The following CELF2 variants were observed in gnomAD, a reference collection of about 807,000 sequenced individuals.
CELF2 encodes the protein CUGBP Elav-like family member 2.
In CELF2, 8 loss-of-function variants were observed where a neutral mutation model predicts 62.6. The observed-to-expected ratio is 0.13, with a 90% CI of 0.07 to 0.23. CELF2 has a LOEUF of 0.23. CELF2 is among the 10% of genes least tolerant of loss of function. The pLI, the probability that CELF2 is intolerant of heterozygous loss-of-function variation, is 1.00. For missense variants in CELF2, 333 were observed against 671.0 expected (o/e 0.50, Z 5.56); for synonymous variants, 258 against 250.0 (o/e 1.03, Z -0.30).
At chr10:10,971,900 C>T (rs962254253) in intron 2 of CELF2, among the ~76,000 whole-genome samples, 1 of 152,076 alleles carries the variant, frequency 6.6e-6, no homozygotes, top group Non-Finnish European at 1.5e-5. Context: ...GCATGCTTTT[C>T]ACATCTTCTT....
chr10:10,659,286 T>C, the CELF2 span, among the ~76,000 whole-genome samples: 8 of 152,212 alleles, frequency 5.3e-5, no homozygotes, highest in Admixed American at 5.2e-4. Flanking sequence ...GAGAATCTTC[T>C]TCCAGTAAGA....
chr10:10,911,147 A>G (rs1324697591), intron 1 of CELF2, among the ~76,000 whole-genome samples: 1 of 152,152 alleles, frequency 6.6e-6, no homozygotes, highest in African/African-American at 2.4e-5. Flanking sequence ...AAGCAAACAT[A>G]AGCCCTTCCC....
At chr10:10,963,873 C>T (rs1236270346) in intron 2 of CELF2, among the ~76,000 whole-genome samples, 1 of 152,070 alleles carries the variant, frequency 6.6e-6, no homozygotes, top group African/African-American at 2.4e-5. Flanking sequence ...TTCTAGTATA[C>T]GCATCTATGT....
At position 11,223,631 on chromosome 10, in the gene CELF2, G is replaced by A. The variant is rs2065560848; in HGVS notation, c.354+6124G>A. On this transcript the variant is annotated intron_variant, in intron 3 of 12. Transcript: ENST00000633077. The surrounding 1 kb of genome is among the most constrained non-coding windows in gnomAD (Gnocchi z 5.1). ...GGACTGTGACAGAGAGTAGCAGGGGGAGCTCCGGAGGAGTCCTTGAGGGTG... is the reference window on the plus strand; with the variant it reads ...GGACTGTGACAGAGAGTAGCAGGGGAAGCTCCGGAGGAGTCCTTGAGGGTG... Among the ~76,000 whole-genome samples, 1 of 152,338 alleles carries A rather than the reference G, an allele frequency of 6.6e-6. No homozygotes were observed. Among genetic ancestry groups the A allele is most frequent in the Admixed American group, 6.5e-5 (1 of 15,314 alleles).
At chr10:10,486,824 C>T in the CELF2 span, among the ~76,000 whole-genome samples, 15 of 152,068 alleles carry the variant, frequency 9.9e-5, no homozygotes, top group Non-Finnish European at 1.9e-4. Flanking sequence ...AAGCCATTGA[C>T]ATGTGTTAAA....
At chr10:10,631,145 C>A in the CELF2 span, among the ~76,000 whole-genome samples, 1 of 152,196 alleles carries the variant, frequency 6.6e-6, no homozygotes, top group Non-Finnish European at 1.5e-5. Flanking sequence ...GTAATCACTT[C>A]CAGACTCAGC....
chr10:10,825,658 A>C lies in CELF2; in HGVS notation c.53+26841A>C, dbSNP rs534983804. On this transcript the variant is annotated intron_variant, in intron 1 of 13. Coordinates refer to the CELF2 transcript ENST00000636488. ...GGGTCAGTCTTTACTGGATTTGGTC[A>C]GCAGCCATCTAGGTATCCGGAGTGT... Among the ~76,000 whole-genome samples, 3 of 152,308 alleles carry C rather than the reference A, an allele frequency of 2.0e-5. No individual in the cohort carries two copies. The South Asian group carries it at 6.2e-4, about 32-fold the overall frequency.
chr10:10,966,513 C>G lies in CELF2; in HGVS notation c.89+46514C>G, dbSNP rs1407698456. 5 of 152,324 alleles carry G rather than the reference C, an allele frequency of 3.3e-5. No individual in the cohort carries two copies. The East Asian group carries it at 9.6e-4, about 29-fold the overall frequency. 9.4% of individuals were successfully genotyped at this position (152,324 alleles called of 1,614,324 possible). On this transcript the variant is annotated intron_variant, in intron 2 of 13. Coordinates refer to the CELF2 transcript ENST00000636488. The stretch of plus-strand genomic sequence containing the variant: ...TTTGCTCCCTCTCCCACCTTCTCCT[C>G]TGGGCTTCCTACCATACTCTAACCC...
intron 2 of CELF2, among the ~76,000 whole-genome samples, chr10:11,172,089 C>T (rs766019352): frequency 7.2e-5 from 11 of 152,196 alleles, no homozygotes; most frequent in Non-Finnish European, 1.0e-4. Context: ...TTAACGCATG[C>T]AAGTAGGGAA....
chr10:10,809,809 T>C (rs2131689535), intron 1 of CELF2, among the ~76,000 whole-genome samples: 1 of 152,340 alleles, frequency 6.6e-6, no homozygotes, highest in African/African-American at 2.4e-5. Flanking sequence ...AATTATCATT[T>C]TTATAATCTT....
the CELF2 span, among the ~76,000 whole-genome samples, chr10:10,535,239 T>C: frequency 2.3e-3 from 354 of 152,230 alleles, 1 homozygote; most frequent in African/African-American, 8.3e-3. Flanking sequence ...CCACACAGCA[T>C]GATTGCACTT....
chr10:11,132,942 G>C (rs1196353808), intron 1 of CELF2, among the ~76,000 whole-genome samples: 1 of 152,178 alleles, frequency 6.6e-6, no homozygotes, highest in South Asian at 2.1e-4. Flanking sequence ...GATGGTGGTG[G>C]TGATCTGTAT....
chr10:11,321,515 TG>T lies in CELF2; in HGVS notation c.1294+130del. On this transcript the variant is annotated intron_variant, in intron 11 of 12. Transcript: ENST00000633077. The surrounding 1 kb of genome is among the most constrained non-coding windows in gnomAD (Gnocchi z 6.2). The stretch of plus-strand genomic sequence containing the variant: ...CAGAAAGCAGTTGTTTTGTTATTCA[TG>T]TTTAAAAAAAAAAAAAACTGAAAGC... 1 of 707,058 alleles carries T rather than the reference TG, an allele frequency of 1.4e-6. No homozygotes were observed. Among genetic ancestry groups the T allele is most frequent in the Non-Finnish European group, 2.2e-6 (1 of 464,086 alleles). The allele number at this position is 707,058 out of a possible 1,614,324, so 43.8% of individuals were successfully genotyped here. A position where few individuals can be genotyped will look rare whatever the true frequency, so the allele number is the denominator to read the frequency against.
chr10:10,612,918 T>A, the CELF2 span, among the ~76,000 whole-genome samples: 3 of 152,094 alleles, frequency 2.0e-5, no homozygotes, highest in African/African-American at 4.8e-5. Context: ...AAGAATAGAG[T>A]CTTAGCTGGA....
chr10:10,863,729 A>G (rs2060185239), intron 1 of CELF2, among the ~76,000 whole-genome samples: 1 of 152,150 alleles, frequency 6.6e-6, no homozygotes, highest in Admixed American at 6.5e-5. Context: ...AGTGACTTAG[A>G]CCTTTCTTTA....
the CELF2 span, among the ~76,000 whole-genome samples, chr10:10,667,157 G>T: frequency 2.6e-5 from 4 of 152,174 alleles, no homozygotes; most frequent in East Asian, 7.7e-4. Context: ...CATGCTCTTT[G>T]AATAAATGAA....
chr10:11,170,512 C>T (rs1041292359), intron 2 of CELF2, among the ~76,000 whole-genome samples: 2 of 151,942 alleles, frequency 1.3e-5, no homozygotes, highest in Non-Finnish European at 2.9e-5. Context: ...ACTGTTTATC[C>T]CTGAGTGAGG....
At chr10:11,134,092 A>G (rs2060027132) in intron 1 of CELF2, among the ~76,000 whole-genome samples, 2 of 152,230 alleles carry the variant, frequency 1.3e-5, no homozygotes, top group Admixed American at 6.5e-5. Flanking sequence ...TACTAAGAAT[A>G]TAATTATACT....
At position 10,972,770 on chromosome 10, in the gene CELF2, A is replaced by T. The variant is rs919617745; in HGVS notation, c.89+52771A>T. ...CGTCCACTCACACCCTTCCTTTTTGATCTGTTCCTATTCTGAAATACACAA... is the reference window on the plus strand; with the variant it reads ...CGTCCACTCACACCCTTCCTTTTTGTTCTGTTCCTATTCTGAAATACACAA... On this transcript the variant is annotated intron_variant, in intron 2 of 13. Transcript: ENST00000636488. The surrounding 1 kb of genome is among the most constrained non-coding windows in gnomAD (Gnocchi z 4.4). 3.9e-5 allele frequency among the ~76,000 whole-genome samples: 6 copies of T among 151,912 alleles called. No homozygotes were observed. The highest frequency in any genetic ancestry group is 1.5e-4 in the African/African-American group (6 of 41,328).
Sources: gnomAD v4.1 joint callset for allele counts (sites outside exome capture counted in the v4.1 genomes callset) on GRCh38, gnomAD v4.1.1 for gene constraint, Gnocchi (gnomAD v3.1) non-coding constraint, MANE v1.5 for transcripts, NCBI Gene and HGNC (gene_info 2026-07-23, HGNC 2026-07-21) for gene names.